The following ARHGEF28 variants were observed in gnomAD, a reference collection of about 807,000 sequenced individuals.
The protein encoded by ARHGEF28 is 190 kDa guanine nucleotide exchange factor.
ARHGEF28 carries 152 observed loss-of-function variants against 206.6 expected under a neutral mutation model. That is an observed-to-expected ratio of 0.74 (90% CI 0.64 to 0.84). The LOEUF (loss-of-function observed/expected upper bound fraction) is 0.84. Among genes scored for constraint, ARHGEF28 ranks in the 40% least tolerant of loss-of-function variants. The pLI is 0.00. For missense variants in ARHGEF28, 2,028 were observed against 2,073.2 expected (o/e 0.98, Z 0.42); for synonymous variants, 763 against 776.4 (o/e 0.98, Z 0.29).
chr5:73,698,571 A>G (rs1748367199), intron 2 of ARHGEF28, among the ~76,000 whole-genome samples: 1 of 152,060 alleles, frequency 6.6e-6, no homozygotes. Context: ...TTAGTGTGAT[A>G]TGGAAAATCT....
chr5:73,681,862 G>A (rs1394325952), intron 1 of ARHGEF28, among the ~76,000 whole-genome samples: 1 of 152,102 alleles, frequency 6.6e-6, no homozygotes, highest in Non-Finnish European at 1.5e-5. Flanking sequence ...CACTGTGGGA[G>A]GCCAAGGCAG....
At chr5:73,807,721 G>T (rs1388324099) in intron 9 of ARHGEF28, among the ~76,000 whole-genome samples, 1 of 151,784 alleles carries the variant, frequency 6.6e-6, no homozygotes, top group Non-Finnish European at 1.5e-5. Context: ...CCTGACCTCA[G>T]GCAATCCACC....
chr5:73,934,083 G>A (rs12516920), intron 35 of ARHGEF28, among the ~76,000 whole-genome samples: 19,720 of 151,886 alleles, frequency 0.13, 1,683 homozygotes, highest in East Asian at 0.42. Flanking sequence ...TTTTTTGTTT[G>A]TTTTTATTTT....
chr5:73,864,783 A>G (rs763550177), intron 16 of ARHGEF28, 34 bp from the exon 17 acceptor site: 1 of 1,593,762 alleles, frequency 6.3e-7, no homozygotes, highest in Non-Finnish European at 8.6e-7. Context: ...ATTAAGTAAG[A>G]TGGATGCTTT....
chr5:73,937,304 T>C (rs1348494305), intron 35 of ARHGEF28, among the ~76,000 whole-genome samples: 1 of 152,216 alleles, frequency 6.6e-6, no homozygotes, highest in East Asian at 1.9e-4. Flanking sequence ...TATCGAAGTT[T>C]CCTGCAGAGG....
At chr5:73,839,988 G>A (rs1014396245) in intron 10 of ARHGEF28, among the ~76,000 whole-genome samples, 5 of 152,034 alleles carry the variant, frequency 3.3e-5, no homozygotes, top group African/African-American at 4.8e-5. Flanking sequence ...TGAGTCAGTG[G>A]TTCATAAAAT....
At chr5:73,756,485 A>G (rs1264130368) in intron 4 of ARHGEF28, among the ~76,000 whole-genome samples, 1 of 152,218 alleles carries the variant, frequency 6.6e-6, no homozygotes, top group Non-Finnish European at 1.5e-5. Flanking sequence ...TCTCTACAAC[A>G]TCAATGTCAA....
At chr5:73,929,329 A>G (rs1034890732) in intron 35 of ARHGEF28, among the ~76,000 whole-genome samples, 11 of 152,222 alleles carry the variant, frequency 7.2e-5, no homozygotes, top group African/African-American at 2.2e-4. Flanking sequence ...AACAGTATCT[A>G]TAAGTATTTA....
At chr5:73,879,843 G>T (rs1038148222) in intron 22 of ARHGEF28, among the ~76,000 whole-genome samples, 3 of 152,192 alleles carry the variant, frequency 2.0e-5, no homozygotes, top group Non-Finnish European at 2.9e-5. Flanking sequence ...CTACTGGGGG[G>T]TGCCTCCCAG....
intron 30 of ARHGEF28, chr5:73,898,301 C>A (rs1203047223): frequency 3.9e-6 from 2 of 510,312 alleles, no homozygotes. Flanking sequence ...GTATGAGGAT[C>A]TAAAGAGTAG....
intron 9 of ARHGEF28, 127 bp downstream of exon 9, chr5:73,795,518 C>A: frequency 1.3e-6 from 1 of 784,716 alleles, no homozygotes. Flanking sequence ...TCCTGAAACG[C>A]ATCCAGATAA....
rs1023306362 is a variant in ARHGEF28, at chr5:73,684,298, G to C, written c.-11-543G>C. Among the ~76,000 whole-genome samples, 9 of 152,224 alleles carry C rather than the reference G, an allele frequency of 5.9e-5. No individual in the cohort carries two copies. In the South Asian group the frequency reaches 1.2e-3, roughly 21 times the overall value. On this transcript the variant is annotated intron_variant, in intron 1 of 35. Transcript: ENST00000513042. ...TTTTTCTATGAGTTGGACTATCTAG[G>C]TACCTCATATAAGTAGAATCATACA...
intron 1 of ARHGEF28, among the ~76,000 whole-genome samples, chr5:73,630,964 A>G (rs796390926): frequency 1.4e-4 from 22 of 152,342 alleles, no homozygotes; most frequent in African/African-American, 4.8e-4. Flanking sequence ...TGACTACCAG[A>G]CAGTCATCAG....
chr5:73,686,879 A>C (rs1561333447), intron 2 of ARHGEF28, among the ~76,000 whole-genome samples: 1 of 152,220 alleles, frequency 6.6e-6, no homozygotes. Context: ...TGAAAAGTAC[A>C]GGAAAGTGTT....
chr5:73,892,777 T>C (rs1761723287), intron 27 of ARHGEF28, among the ~76,000 whole-genome samples: 1 of 152,208 alleles, frequency 6.6e-6, no homozygotes, highest in Admixed American at 6.5e-5. Flanking sequence ...GTTTTTATAA[T>C]TGGGAGCACA....
chr5:73,741,381 GTGTGTATATATATATATA>G (rs1446020570), intron 2 of ARHGEF28, among the ~76,000 whole-genome samples: 92 of 26,550 alleles, frequency 3.5e-3, no homozygotes, highest in Non-Finnish European at 4.9e-3. Context: ...GTGTGTGTGT[GTGTGTATATATATATATA>G]TATATATATA....
intron 2 of ARHGEF28, among the ~76,000 whole-genome samples, chr5:73,708,063 C>T (rs1749037429): frequency 6.6e-6 from 1 of 152,040 alleles, no homozygotes; most frequent in Non-Finnish European, 1.5e-5. Context: ...ATATTGCTAA[C>T]CTCTACCTTC....
intron 9 of ARHGEF28, among the ~76,000 whole-genome samples, chr5:73,829,216 T>G (rs1757134221): frequency 6.6e-6 from 1 of 152,086 alleles, no homozygotes; most frequent in African/African-American, 2.4e-5. Context: ...AATCATAGAG[T>G]CATGCAGGTA....
chr5:73,658,985 A>ACACACATG (rs1745409965), intron 1 of ARHGEF28, among the ~76,000 whole-genome samples: 1 of 142,078 alleles, frequency 7.0e-6, no homozygotes, highest in African/African-American at 2.5e-5. Flanking sequence ...ACACACACAC[A>ACACACATG]CACACACACA....
Sources: allele counts gnomAD v4.1 joint callset (sites outside exome capture counted in the v4.1 genomes callset), GRCh38; gene constraint gnomAD v4.1.1; transcripts MANE v1.5; gene names NCBI Gene and HGNC (gene_info 2026-07-23, HGNC 2026-07-21).